The following PDE5A variants were observed in gnomAD, a reference collection of about 807,000 sequenced individuals.
PDE5A encodes the protein phosphodiesterase 5A.
A neutral mutation model predicts 110.2 loss-of-function variants in PDE5A; 67 were observed. The observed-to-expected ratio is 0.61, with a 90% CI of 0.50 to 0.75. The LOEUF is 0.75. Ranked by LOEUF, PDE5A falls within the 30% of genes least tolerant of loss-of-function variation. The probability of loss-of-function intolerance (pLI) is 0.00; values close to 1 mark genes in which losing one functional copy is unlikely to be tolerated. For synonymous variants in PDE5A, 328 were observed against 351.2 expected, an observed-to-expected ratio of 0.93 and a Z score of 0.74; for missense variants, 862 against 1,045.1, an observed-to-expected ratio of 0.82 and a Z score of 2.42.
chr4:119,623,400 T>A (rs1053868366), intron 1 of PDE5A, among the ~76,000 whole-genome samples: 7 of 152,234 alleles, frequency 4.6e-5, no homozygotes, highest in African/African-American at 1.7e-4. Flanking sequence ...AAGGTTTTTT[T>A]ATCCTAGGAA....
At chr4:119,613,233 T>C (rs184473714) in intron 1 of PDE5A, among the ~76,000 whole-genome samples, 2 of 152,324 alleles carry the variant, frequency 1.3e-5, no homozygotes, top group East Asian at 3.9e-4. Context: ...CAGAGTGTCA[T>C]TACAATCTCA....
chr4:119,572,792 G>A lies in PDE5A; in HGVS notation c.832-5648C>T, dbSNP rs549027701. Among the ~76,000 whole-genome samples the A allele has an allele frequency of 7.2e-5, 11 of 152,176 alleles. No individual in the cohort carries two copies. In the South Asian group the frequency reaches 1.9e-3, roughly 26 times the overall value. ...TGCTGCTGGTCCAGGCACAAAAGAC[G>A]CATTGACAACTACTGATACAGAATT... On this transcript the variant is annotated intron_variant, in intron 3 of 20. Transcript: ENST00000354960.
intron 9 of PDE5A, chr4:119,549,364 T>C (rs574620508): frequency 7.2e-5 from 11 of 152,322 alleles, no homozygotes; most frequent in Admixed American, 3.3e-4. Context: ...AGAAAATTCA[T>C]TGTGGAAGTA....
intron 1 of PDE5A, among the ~76,000 whole-genome samples, chr4:119,619,167 AAAAT>A (rs780951704): frequency 1.3e-5 from 2 of 152,176 alleles, no homozygotes; most frequent in Non-Finnish European, 2.9e-5. Flanking sequence ...ACTCACATAA[AAAAT>A]TATGTTGGCT....
rs959212403 is a variant in PDE5A, at chr4:119,525,566, A to G, written c.1762T>C (p.Phe588Leu). 3.1e-6 allele frequency: 5 copies of G among 1,612,912 alleles called. No homozygotes were observed. The African/African-American group carries it at 6.7e-5, about 22-fold the overall frequency. ...ATTCCTACCTCATGTTTCATCTGGAAGTTCTGCACAAGGTTGAGGTCAGTA... is the reference window on the plus strand; with the variant it reads ...ATTCCTACCTCATGTTTCATCTGGAGGTTCTGCACAAGGTTGAGGTCAGTA... ...MFTDLNLVQN[F>L]QMKHEVLCRW... The change falls in exon 12 of 21, where the codon TTC (phenylalanine) becomes CTC (leucine). Residue 588 changes from phenylalanine (F) to leucine (L), a missense_variant. Coordinates refer to ENST00000354960, the MANE Select transcript of PDE5A (RefSeq NM_001083.4). This position sits in a 1 kb window ranked among gnomAD's most constrained non-coding sequence, Gnocchi z 4.3.
intron 6 of PDE5A, among the ~76,000 whole-genome samples, chr4:119,561,459 T>C (rs1034293905): frequency 6.6e-6 from 1 of 152,194 alleles, no homozygotes; most frequent in East Asian, 1.9e-4. Context: ...GTAGCACTGA[T>C]CCAAATCAGT....
chr4:119,543,041 A>AC (rs1726998200), intron 9 of PDE5A: 2 of 30,946 alleles, frequency 6.5e-5, no homozygotes, highest in East Asian at 1.8e-3. Context: ...CCAGAAGTTA[A>AC]ACATACACAC....
intron 9 of PDE5A, among the ~76,000 whole-genome samples, chr4:119,546,858 T>C (rs946844636): frequency 6.6e-6 from 1 of 152,094 alleles, no homozygotes; most frequent in Non-Finnish European, 1.5e-5. Context: ...GTTTTATTTT[T>C]TTCCATTGTT....
intron 2 of PDE5A, among the ~76,000 whole-genome samples, chr4:119,599,959 T>C (rs1382620131): frequency 6.6e-6 from 1 of 152,088 alleles, no homozygotes; most frequent in Non-Finnish European, 1.5e-5. Flanking sequence ...AAAACTCTTT[T>C]TTAAAATATT....
rs1269520200 is a variant in PDE5A, at chr4:119,539,031, G to A, written c.1573-12C>T. On this transcript the variant is annotated splice_polypyrimidine_tract_variant and intron_variant, in intron 10 of 20. Transcript: ENST00000354960. ...TGATACGACAGAACCTACAGGGTAG[G>A]AAAAGAAGTCCAGGTTACACAGGAG... The A allele has an allele frequency of 1.2e-6, 2 of 1,609,256 alleles. No individual in the cohort carries two copies. Among genetic ancestry groups the A allele is most frequent in the Middle Eastern group, 1.7e-4 (1 of 6,044 alleles).
At chr4:119,554,451 A>G (rs1027589297) in intron 7 of PDE5A, among the ~76,000 whole-genome samples, 5 of 152,166 alleles carry the variant, frequency 3.3e-5, no homozygotes, top group Admixed American at 1.3e-4. Context: ...ATCTGATGCC[A>G]GGGGGTACAG....
chr4:119,524,066 C>T (rs1423766568), intron 12 of PDE5A, among the ~76,000 whole-genome samples: 2 of 152,070 alleles, frequency 1.3e-5, no homozygotes, highest in African/African-American at 4.8e-5. Flanking sequence ...GACATGGACT[C>T]TACACCTGTT....
At chr4:119,518,117 G>A (rs1428928035) in intron 14 of PDE5A, among the ~76,000 whole-genome samples, 1 of 151,908 alleles carries the variant, frequency 6.6e-6, no homozygotes, top group Non-Finnish European at 1.5e-5. Flanking sequence ...CATTTATTTA[G>A]ATAAGAAGAA....
intron 3 of PDE5A, among the ~76,000 whole-genome samples, chr4:119,589,228 C>T (rs1222126803): frequency 1.3e-5 from 2 of 151,814 alleles, no homozygotes; most frequent in Non-Finnish European, 2.9e-5. Context: ...CTTTCTACCC[C>T]TTATCCTCTC....
At chr4:119,563,728 A>G (rs1040113754) in intron 5 of PDE5A, among the ~76,000 whole-genome samples, 2 of 152,174 alleles carry the variant, frequency 1.3e-5, no homozygotes, top group Middle Eastern at 3.2e-3. Context: ...GAACCTGAAA[A>G]GCACTGTATG....
Position 119,507,443 on chromosome 4 carries a change from A to G in PDE5A, c.2189+161T>C, listed in dbSNP as rs564235437. Among the ~76,000 whole-genome samples the G allele has an allele frequency of 2.0e-5, 3 of 152,080 alleles. No homozygotes were observed. In the South Asian group the frequency reaches 6.2e-4, roughly 32 times the overall value. On this transcript the variant is annotated intron_variant, in intron 16 of 20. Transcript: ENST00000354960. ...AATTTTCAGCAGTATAAGCCAAAGGAGTAGACTTTTCTGGCTACCCTTTCA... is the reference window on the plus strand; with the variant it reads ...AATTTTCAGCAGTATAAGCCAAAGGGGTAGACTTTTCTGGCTACCCTTTCA...
chr4:119,553,141 G>A (rs1369546199), intron 8 of PDE5A, among the ~76,000 whole-genome samples: 1 of 151,980 alleles, frequency 6.6e-6, no homozygotes, highest in South Asian at 2.1e-4. Context: ...GCCTCAAAGT[G>A]CAATGCTTTC....
intron 3 of PDE5A, among the ~76,000 whole-genome samples, chr4:119,568,338 C>A (rs993364888): frequency 7.2e-5 from 11 of 152,130 alleles, no homozygotes; most frequent in Admixed American, 1.3e-4. Context: ...CCTCTAAGGT[C>A]AAAAATGTCT....
chr4:119,609,315 A>G (rs1729657718), intron 1 of PDE5A, among the ~76,000 whole-genome samples: 2 of 152,264 alleles, frequency 1.3e-5, no homozygotes, highest in Non-Finnish European at 2.9e-5. Context: ...AAGCAAACTA[A>G]TATCACCAAT....
Sources: allele counts gnomAD v4.1 joint callset (sites outside exome capture counted in the v4.1 genomes callset), GRCh38; gene constraint gnomAD v4.1.1; non-coding constraint Gnocchi (gnomAD v3.1); transcripts MANE v1.5; gene names NCBI Gene and HGNC (gene_info 2026-07-23, HGNC 2026-07-21).